The following YES1 variants were observed in gnomAD, a reference collection of about 807,000 sequenced individuals.
YES1 encodes the protein YES proto-oncogene 1, Src family tyrosine kinase.
In YES1, 39 loss-of-function variants were observed where a neutral mutation model predicts 70.4. The observed-to-expected ratio is 0.55, with a 90% CI of 0.43 to 0.72. The LOEUF is 0.72. Among genes scored for constraint, YES1 ranks in the 30% least tolerant of loss-of-function variants. YES1 has a pLI of 0.00. For synonymous variants in YES1, 198 were observed against 218.6 expected (o/e 0.91, Z 0.83); for missense variants, 495 against 644.8 (o/e 0.77, Z 2.52).
chr18:788,501 A>G (rs1393924018), intron 1 of YES1, among the ~76,000 whole-genome samples: 1 of 152,210 alleles, frequency 6.6e-6, no homozygotes, highest in African/African-American at 2.4e-5. Flanking sequence ...TTTGATTTTC[A>G]AAGTTTAGCA....
intron 1 of YES1, among the ~76,000 whole-genome samples, chr18:794,249 G>C (rs1402173603): frequency 6.6e-6 from 1 of 152,056 alleles, no homozygotes; most frequent in African/African-American, 2.4e-5. Flanking sequence ...CCTTTAAGTG[G>C]TACTCCTGCC....
At chr18:774,126 T>C (rs1905271143) in intron 1 of YES1, among the ~76,000 whole-genome samples, 1 of 152,190 alleles carries the variant, frequency 6.6e-6, no homozygotes, top group Non-Finnish European at 1.5e-5. Context: ...CCACGGCGCC[T>C]GGCCTTCCCA....
intron 11 of YES1, among the ~76,000 whole-genome samples, chr18:731,743 A>G (rs961933424): frequency 1.9e-4 from 29 of 151,320 alleles, no homozygotes; most frequent in African/African-American, 4.6e-4. Flanking sequence ...CGAGGCGGGC[A>G]GATCACAAGG....
At chr18:787,227 G>A (rs1906008255) in intron 1 of YES1, among the ~76,000 whole-genome samples, 1 of 150,676 alleles carries the variant, frequency 6.6e-6, no homozygotes, top group Non-Finnish European at 1.5e-5. Flanking sequence ...AGCCTCCAGA[G>A]TAGCTGGGAC....
At chr18:748,451 TAC>T (rs992809193) in intron 3 of YES1, among the ~76,000 whole-genome samples, 18 of 152,134 alleles carry the variant, frequency 1.2e-4, no homozygotes, top group African/African-American at 1.9e-4. Flanking sequence ...TTAATATATT[TAC>T]AGAGTTGTAC....
At chr18:798,647 G>A (rs996811207) in intron 1 of YES1, among the ~76,000 whole-genome samples, 1 of 152,070 alleles carries the variant, frequency 6.6e-6, no homozygotes, top group African/African-American at 2.4e-5. Flanking sequence ...CACTAGAAGT[G>A]GTATGTAGAT....
chr18:781,143 C>T lies in YES1; in HGVS notation c.-8-24308G>A, dbSNP rs542616081. 4.9e-4 allele frequency among the ~76,000 whole-genome samples: 75 copies of T among 151,918 alleles called. 1 individual carries two copies. The highest frequency in any genetic ancestry group is 4.0e-4 in the Non-Finnish European group (27 of 67,966). ...AATTAACTGGGAGTGGTGGCAGGCA[C>T]CTATAATCCCAGCTACTCAGGAGGC... On this transcript the variant is annotated intron_variant, in intron 1 of 11. Transcript: ENST00000314574.
intron 1 of YES1, among the ~76,000 whole-genome samples, chr18:778,857 T>G (rs149121202): frequency 2.6e-5 from 4 of 152,188 alleles, no homozygotes; most frequent in Non-Finnish European, 5.9e-5. Flanking sequence ...GCATACACTT[T>G]GTCTTGTAAA....
At chr18:794,400 G>A (rs1020729030) in intron 1 of YES1, among the ~76,000 whole-genome samples, 3 of 152,172 alleles carry the variant, frequency 2.0e-5, no homozygotes, top group Admixed American at 1.3e-4. Flanking sequence ...CAGATTAAAG[G>A]AGACTAAAGA....
intron 4 of YES1, 74 bp from the exon 5 acceptor site, chr18:746,125 T>C: frequency 9.2e-7 from 1 of 1,084,174 alleles, no homozygotes; most frequent in Non-Finnish European, 1.4e-6. Context: ...TCAGTAAGAA[T>C]GGACTGGGAT....
intron 3 of YES1, among the ~76,000 whole-genome samples, chr18:750,607 A>C (rs2080331402): frequency 6.6e-6 from 1 of 152,226 alleles, no homozygotes. Flanking sequence ...AAGAATAACA[A>C]GCAAGTGACA....
intron 1 of YES1, among the ~76,000 whole-genome samples, chr18:799,587 G>A (rs138371279): frequency 4.6e-4 from 70 of 152,222 alleles, no homozygotes; most frequent in African/African-American, 1.5e-3. Context: ...GTGCATGCCC[G>A]TAATGAGCAA....
chr18:753,897 A>T (rs1333900163), intron 2 of YES1, among the ~76,000 whole-genome samples: 1 of 152,158 alleles, frequency 6.6e-6, no homozygotes, highest in Non-Finnish European at 1.5e-5. Context: ...TATCTAAGTA[A>T]ATGGCCCTAC....
At position 722,009 on chromosome 18, in the gene YES1, TAA is replaced by T. The variant is rs35188047; in HGVS notation, c.*2413_*2414del. 0.46 allele frequency: 70,122 copies of T among 152,208 alleles called. 16,333 individuals are homozygous for T. Among genetic ancestry groups the T allele is most frequent in the African/African-American group, 0.54 (22,310 of 41,348 alleles). 9.4% of individuals were successfully genotyped at this position (152,208 alleles called of 1,614,324 possible). ...AGAACAATTTAAAATGAATACACAT[TAA>T]GTTAGTGTTTTATCCCTACTATACA... On this transcript the variant is annotated 3_prime_UTR_variant, in exon 12 of 12. Transcript: ENST00000314574.
chr18:796,603 C>T (rs894854486), intron 1 of YES1, among the ~76,000 whole-genome samples: 2 of 152,032 alleles, frequency 1.3e-5, no homozygotes, highest in African/African-American at 4.8e-5. Context: ...CCCGTCTCTA[C>T]TAAAAATACA....
chr18:749,050 A>G (rs903586949), intron 3 of YES1, among the ~76,000 whole-genome samples: 1 of 152,158 alleles, frequency 6.6e-6, no homozygotes, highest in Non-Finnish European at 1.5e-5. Flanking sequence ...AGTCCCAGCT[A>G]CTTGGGAGGC....
At chr18:738,638 C>T (rs573021213) in intron 9 of YES1, 8 of 143,758 alleles carry the variant, frequency 5.6e-5, no homozygotes, top group South Asian at 4.4e-4. Flanking sequence ...TGCAGTGAGC[C>T]GAGATTGCAC....
chr18:792,596 TATACATATATATAC>T (rs1488956284), intron 1 of YES1, among the ~76,000 whole-genome samples: 4 of 151,770 alleles, frequency 2.6e-5, no homozygotes, highest in Non-Finnish European at 4.4e-5. Flanking sequence ...TATATACATA[TATACATATATATAC>T]ATACATATAT....
intron 11 of YES1, among the ~76,000 whole-genome samples, chr18:731,071 G>A (rs1178860764): frequency 6.6e-6 from 1 of 152,186 alleles, no homozygotes; most frequent in African/African-American, 2.4e-5. Context: ...AAAGATCCTG[G>A]TAGCATCAAG....
Sources: gnomAD v4.1 joint callset for allele counts (sites outside exome capture counted in the v4.1 genomes callset) on GRCh38, gnomAD v4.1.1 for gene constraint, MANE v1.5 for transcripts, NCBI Gene and HGNC (gene_info 2026-07-23, HGNC 2026-07-21) for gene names.